The following GABRB3 variants were observed in gnomAD, a reference collection of about 807,000 sequenced individuals.
GABRB3 encodes gamma-aminobutyric acid receptor subunit beta-3.
In GABRB3, 14 loss-of-function variants were observed where a neutral mutation model predicts 52.1. That is an observed-to-expected ratio of 0.27 (90% CI 0.18 to 0.42). The LOEUF is 0.42. GABRB3 is among the 10% of genes least tolerant of loss of function. The pLI is 1.00. For missense variants in GABRB3, 307 were observed against 609.1 expected (o/e 0.50, Z 5.22); for synonymous variants, 260 against 232.3 (o/e 1.12, Z -1.08).
intron 3 of GABRB3, among the ~76,000 whole-genome samples, chr15:26,765,888 T>C (rs1026283861): frequency 3.9e-5 from 6 of 152,214 alleles, no homozygotes; most frequent in Admixed American, 2.0e-4. Context: ...TTTGTTGTCC[T>C]GTAGCTTGAT....
chr15:26,680,029 G>A (rs1432272003), intron 3 of GABRB3, among the ~76,000 whole-genome samples: 1 of 152,206 alleles, frequency 6.6e-6, no homozygotes, highest in Non-Finnish European at 1.5e-5. Flanking sequence ...AAGTCTAGAT[G>A]TTGCTATGGA....
intron 3 of GABRB3, among the ~76,000 whole-genome samples, chr15:26,677,409 C>CA (rs1888103081): frequency 6.6e-6 from 1 of 152,174 alleles, no homozygotes; most frequent in African/African-American, 2.4e-5. Context: ...GAGTTTATCA[C>CA]AGCCTTTCCT....
intron 4 of GABRB3, among the ~76,000 whole-genome samples, chr15:26,591,588 C>T (rs983633063): frequency 2.0e-5 from 3 of 152,144 alleles, no homozygotes; most frequent in African/African-American, 7.2e-5. Context: ...ATGCCAGATT[C>T]TAGAATACCT....
intron 3 of GABRB3, among the ~76,000 whole-genome samples, chr15:26,661,332 TACACGCACAC>T (rs1251173756): frequency 2.0e-5 from 3 of 152,216 alleles, no homozygotes; most frequent in East Asian, 1.9e-4. Context: ...AAAGCACATG[TACACGCACAC>T]ACACGCACAC....
At chr15:26,638,675 G>C (rs1281462473) in intron 3 of GABRB3, among the ~76,000 whole-genome samples, 2 of 152,092 alleles carry the variant, frequency 1.3e-5, no homozygotes, top group African/African-American at 4.8e-5. Flanking sequence ...AGAATCCCAG[G>C]AGGTAAAGCC....
intron 8 of GABRB3, chr15:26,557,545 T>G (rs1348375921): frequency 6.6e-6 from 1 of 152,238 alleles, no homozygotes; most frequent in East Asian, 1.9e-4. Flanking sequence ...TTACTTGATA[T>G]AAACTTTTTG....
chr15:26,590,311 G>C (rs1050163433), intron 4 of GABRB3: 1 of 152,140 alleles, frequency 6.6e-6, no homozygotes, highest in African/African-American at 2.4e-5. Context: ...CTTCTGGCTT[G>C]CACTCGAGAT....
intron 3 of GABRB3, among the ~76,000 whole-genome samples, chr15:26,762,801 C>T (rs138460585): frequency 2.0e-5 from 3 of 152,186 alleles, no homozygotes; most frequent in Admixed American, 1.3e-4. Context: ...ACAGGACACA[C>T]ATTAACATTC....
intron 6 of GABRB3, among the ~76,000 whole-genome samples, chr15:26,570,314 C>T (rs1027514487): frequency 6.6e-6 from 1 of 152,220 alleles, no homozygotes; most frequent in Admixed American, 6.5e-5. Context: ...CCTTCATATA[C>T]ATTTCACACA....
At chr15:26,612,828 A>C (rs1378803905) in intron 4 of GABRB3, 2 of 152,248 alleles carry the variant, frequency 1.3e-5, no homozygotes, top group Non-Finnish European at 2.9e-5. Context: ...AGAACAAAAA[A>C]TTGGACATGG....
At chr15:26,705,406 T>C (rs1889067147) in intron 3 of GABRB3, among the ~76,000 whole-genome samples, 1 of 152,158 alleles carries the variant, frequency 6.6e-6, no homozygotes, top group Admixed American at 6.5e-5. Flanking sequence ...CAACATCGTA[T>C]TGGGGGTTAG....
chr15:26,549,787 T>C (rs374231945), intron 8 of GABRB3, among the ~76,000 whole-genome samples: 1 of 151,990 alleles, frequency 6.6e-6, no homozygotes, highest in African/African-American at 2.4e-5. Flanking sequence ...CATCACCTCA[T>C]TGCAAGATCC....
intron 7 of GABRB3, among the ~76,000 whole-genome samples, chr15:26,566,140 T>G (rs1445745619): frequency 6.6e-6 from 1 of 152,184 alleles, no homozygotes; most frequent in African/African-American, 2.4e-5. Context: ...TTTTTCTTTT[T>G]TTAGAGAACT....
At chr15:26,735,846 T>G (rs1890050480) in intron 3 of GABRB3, among the ~76,000 whole-genome samples, 2 of 151,884 alleles carry the variant, frequency 1.3e-5, no homozygotes, top group Admixed American at 6.6e-5. Flanking sequence ...TCCCAGCTAC[T>G]TCAGAGGCTG....
intron 3 of GABRB3, among the ~76,000 whole-genome samples, chr15:26,760,805 G>GCACACACACACACACA (rs1555383013): frequency 6.8e-4 from 12 of 17,660 alleles, no homozygotes; most frequent in African/African-American, 1.3e-3. Flanking sequence ...ACACACACGC[G>GCACACACACACACACA]CACGCACACA....
At position 26,609,976 on chromosome 15, in the gene GABRB3, C is replaced by A. The variant is rs150989102; in HGVS notation, c.461+11338G>T. Among the ~76,000 whole-genome samples the A allele has an allele frequency of 1.7e-3, 253 of 152,220 alleles. 1 individual carries two copies. Among genetic ancestry groups the A allele is most frequent in the Admixed American group, 4.5e-3 (69 of 15,282 alleles). ...AACTTACATTTGTCTTACTTGAGTT[C>A]TTTTCTCTGGAAACCAACCATCAGG... On this transcript the variant is annotated intron_variant, in intron 4 of 8. Transcript: ENST00000311550.
intron 8 of GABRB3, among the ~76,000 whole-genome samples, chr15:26,555,706 T>A (rs1889726732): frequency 6.6e-6 from 1 of 152,226 alleles, no homozygotes; most frequent in Non-Finnish European, 1.5e-5. Context: ...ATTATTCTTA[T>A]TTCAGAGTGG....
intron 3 of GABRB3, among the ~76,000 whole-genome samples, chr15:26,711,776 G>A (rs536975106): frequency 1.3e-5 from 2 of 152,238 alleles, no homozygotes; most frequent in African/African-American, 2.4e-5. Context: ...CACCTGTCTT[G>A]GTATTGTAAT....
At chr15:26,645,193 G>C (rs911739923) in intron 3 of GABRB3, among the ~76,000 whole-genome samples, 1 of 152,086 alleles carries the variant, frequency 6.6e-6, no homozygotes, top group Non-Finnish European at 1.5e-5. Context: ...ACTGAGCTAT[G>C]ATTGCACGAC....
Sources: gnomAD v4.1 joint callset for allele counts (sites outside exome capture counted in the v4.1 genomes callset) on GRCh38, gnomAD v4.1.1 for gene constraint, MANE v1.5 for transcripts, NCBI Gene and HGNC (gene_info 2026-07-23, HGNC 2026-07-21) for gene names.